Variants in TSPAN32 observed in about 807,000 individuals in gnomAD.
TSPAN32 encodes tetraspanin 32.
In TSPAN32, 47 loss-of-function variants were observed where a neutral mutation model predicts 42.7. That is an observed-to-expected ratio of 1.10 (90% CI 0.87 to 1.40). The LOEUF is 1.40. Among genes scored for constraint, TSPAN32 ranks in the 40% most tolerant of loss-of-function variants. The pLI is 0.00. For synonymous variants in TSPAN32, 175 were observed against 175.9 expected (o/e 0.99, Z 0.04); for missense variants, 469 against 424.1 (o/e 1.11, Z -0.93).
chr11:2,316,476 C>G (rs766570282), intron 7 of TSPAN32, 100 bp from the exon 8 acceptor site: 1 of 1,588,902 alleles, frequency 6.3e-7, no homozygotes, highest in Non-Finnish European at 8.5e-7. Context: ...CTGCCTCCTA[C>G]AGCTGGGCCG....
rs199650987 is a variant in TSPAN32, at chr11:2,304,162, C to A, written c.237C>A (p.Ser79Arg). The change falls in exon 3 of 10, where the codon AGC becomes AGA. Residue 79 changes from serine (S) to arginine (R), a missense_variant. Transcript: ENST00000182290. The surrounding 1 kb of genome is among the most constrained non-coding windows in gnomAD (Gnocchi z 4.8). The stretch of plus-strand genomic sequence containing the variant: ...TCCTGACTCTGGGAGCCGTGCTGAG[C>A]GCTGCAGCCACCGTGAGGGAGGCCC... ...VGLLTLGAVL[S>R]AAATVREAQG... 5.0e-6 allele frequency: 8 copies of A among 1,588,500 alleles called. No homozygotes were observed. The Admixed American group carries it at 1.4e-4, about 28-fold the overall frequency.
At chr11:2,316,849 G>T (rs1848829175) in intron 8 of TSPAN32, among the ~76,000 whole-genome samples, 182 bp downstream of exon 8, 1 of 152,048 alleles carries the variant, frequency 6.6e-6, no homozygotes, top group South Asian at 2.1e-4. Flanking sequence ...AGAGTTTCCA[G>T]ACCCAATGCA....
chr11:2,314,174 A>G (rs1234229199), intron 5 of TSPAN32, among the ~76,000 whole-genome samples: 3 of 151,260 alleles, frequency 2.0e-5, no homozygotes, highest in Non-Finnish European at 2.9e-5. Flanking sequence ...AAAAAAAAAA[A>G]AAAAGAAAAG....
intron 3 of TSPAN32, among the ~76,000 whole-genome samples, chr11:2,306,284 C>T (rs1221506860): frequency 6.6e-6 from 1 of 152,116 alleles, no homozygotes; most frequent in African/African-American, 2.4e-5. Flanking sequence ...ACCCCTCCGG[C>T]CTCTCCCCTA....
chr11:2,314,953 G>A (rs935581948), intron 6 of TSPAN32: 7 of 316,304 alleles, frequency 2.2e-5, no homozygotes, highest in African/African-American at 1.3e-4. Context: ...CAGGGCTGGT[G>A]TGGTGGGCTC....
intron 1 of TSPAN32, chr11:2,302,613 G>C (rs1029417732): frequency 3.5e-6 from 2 of 574,744 alleles, no homozygotes; most frequent in South Asian, 2.1e-5. Context: ...TGGGGAAGCT[G>C]GGCTGTGCGT....
At position 2,317,338 on chromosome 11, in the gene TSPAN32, C is replaced by T. The variant is rs757577504; in HGVS notation, c.720-6C>T. ...ACCACAGCCCCATGATCCCCTTGCT[C>T]CTCAGAGCATGTGGCCGCCAGCCCC... On this transcript the variant is annotated splice_polypyrimidine_tract_variant and splice_region_variant and intron_variant, in intron 8 of 9. Transcript: ENST00000182290. This position sits in a 1 kb window ranked among gnomAD's most constrained non-coding sequence, Gnocchi z 6.2. The T allele has an allele frequency of 1.5e-5, 23 of 1,583,422 alleles. 1 individual carries two copies. In the South Asian group the frequency reaches 2.7e-4, roughly 18 times the overall value.
At position 2,313,812 on chromosome 11, in the gene TSPAN32, C is replaced by CAG; in HGVS notation, c.456+61_456+62dup. The CAG allele has an allele frequency of 7.2e-7, 1 of 1,385,588 alleles. No individual in the cohort carries two copies. The highest frequency in any genetic ancestry group is 2.5e-5 in the East Asian group (1 of 40,300). The allele number at this position is 1,385,588 out of a possible 1,614,324, so 85.8% of individuals were successfully genotyped here. A position where few individuals can be genotyped will look rare whatever the true frequency, so the allele number is the denominator to read the frequency against. ...GTCAGCTTCTGCTTGGACTGCAGTT[C>CAG]AGAGAACAGGCGCAGGGTGGCCAGT... is the stretch of plus-strand genomic sequence containing the variant. On this transcript the variant is annotated intron_variant, in intron 5 of 9. Coordinates refer to ENST00000182290, the MANE Select transcript of TSPAN32 (RefSeq NM_139022.3). The surrounding 1 kb of genome is among the most constrained non-coding windows in gnomAD (Gnocchi z 9.1).
Position 2,313,582 on chromosome 11 carries a change from T to A in TSPAN32, c.355-72T>A. The A allele has an allele frequency of 8.2e-7, 1 of 1,226,620 alleles. No homozygotes were observed. The highest frequency in any genetic ancestry group is 1.2e-6 in the Non-Finnish European group (1 of 863,622). 76.0% of individuals were successfully genotyped at this position (1,226,620 alleles called of 1,614,324 possible). ...ACTAAGGGCCCACTAGCGTTTGGGA[T>A]GTCGTGGGGAGGGGGCTGTGTCCCC... On this transcript the variant is annotated intron_variant, in intron 4 of 9. Transcript: ENST00000182290. The surrounding 1 kb of genome is among the most constrained non-coding windows in gnomAD (Gnocchi z 9.1).
At chr11:2,303,237 C>T (rs1002825660) in intron 2 of TSPAN32, among the ~76,000 whole-genome samples, 12 of 152,032 alleles carry the variant, frequency 7.9e-5, no homozygotes, top group Non-Finnish European at 1.6e-4. Flanking sequence ...TGGCTCTGTG[C>T]GGTCAGGACC....
At chr11:2,307,974 CAG>C (rs1848213197) in intron 3 of TSPAN32, among the ~76,000 whole-genome samples, 1 of 152,182 alleles carries the variant, frequency 6.6e-6, no homozygotes, top group African/African-American at 2.4e-5. Context: ...GAAGGCAAAA[CAG>C]AAGATCCTAC....
Position 2,304,919 on chromosome 11 carries a change from C to CA in TSPAN32, c.279+716dup, listed in dbSNP as rs1307941766. 5.9e-5 allele frequency among the ~76,000 whole-genome samples: 9 copies of CA among 152,198 alleles called. No homozygotes were observed. Among genetic ancestry groups the CA allele is most frequent in the African/African-American group, 1.9e-4 (8 of 41,454 alleles). Reference sequence around the variant, plus strand: ...CCCTCTTCTCTCACCCCAGCTGGGGCAGCTCCTCCCTGGCGCCCCGGGCTC... The same window carrying CA: ...CCCTCTTCTCTCACCCCAGCTGGGGCAAGCTCCTCCCTGGCGCCCCGGGCTC... On this transcript the variant is annotated intron_variant, in intron 3 of 9. Transcript: ENST00000182290. The surrounding 1 kb of genome is among the most constrained non-coding windows in gnomAD (Gnocchi z 4.8).
Position 2,316,324 on chromosome 11 carries a change from C to A in TSPAN32, c.627+12C>A. ...GCCTGGCCCTCACGGTACCCTCTCG[C>A]CTCCCTCACTGCCCCTTCCCACCTC... On this transcript the variant is annotated intron_variant, in intron 7 of 9. Coordinates refer to ENST00000182290, the MANE Select transcript of TSPAN32 (RefSeq NM_139022.3). 1 of 1,588,168 alleles carries A rather than the reference C, an allele frequency of 6.3e-7. No homozygotes were observed.
At position 2,313,024 on chromosome 11, in the gene TSPAN32, G is replaced by C. The variant is rs1358937640; in HGVS notation, c.355-630G>C. 6.6e-6 allele frequency among the ~76,000 whole-genome samples: 1 copy of C among 152,150 alleles called. No individual in the cohort carries two copies. Among genetic ancestry groups the C allele is most frequent in the Non-Finnish European group, 1.5e-5 (1 of 68,022 alleles). Reference sequence around the variant, plus strand: ...GGTGGAGACATGAGGTCCAGGTGTTGGTGAGGTGTGGAGCGCAGGCAGCAC... The same window carrying C: ...GGTGGAGACATGAGGTCCAGGTGTTCGTGAGGTGTGGAGCGCAGGCAGCAC... On this transcript the variant is annotated intron_variant, in intron 4 of 9. Transcript: ENST00000182290. This position sits in a 1 kb window ranked among gnomAD's most constrained non-coding sequence, Gnocchi z 9.1.
At position 2,317,287 on chromosome 11, in the gene TSPAN32, C is replaced by G; in HGVS notation, c.720-57C>G. 7.2e-7 allele frequency: 1 copy of G among 1,396,128 alleles called. No homozygotes were observed. The highest frequency in any genetic ancestry group is 9.9e-7 in the Non-Finnish European group (1 of 1,010,850). The allele number at this position is 1,396,128 out of a possible 1,614,324, so 86.5% of individuals were successfully genotyped here. On this transcript the variant is annotated intron_variant, in intron 8 of 9. Transcript: ENST00000182290. This position sits in a 1 kb window ranked among gnomAD's most constrained non-coding sequence, Gnocchi z 6.2. ...CCCCTCTAGAACATTCCACAATAGC[C>G]TCACAGGTCCCCTGTAGAACATTCC...
At position 2,308,903 on chromosome 11, in the gene TSPAN32, C is replaced by G. The variant is rs1167427621; in HGVS notation, c.354+93C>G. 3.5e-6 allele frequency: 3 copies of G among 865,210 alleles called. No individual in the cohort carries two copies. The African/African-American group carries it at 5.1e-5, about 15-fold the overall frequency. The allele number at this position is 865,210 out of a possible 1,614,324, so 53.6% of individuals were successfully genotyped here. ...GGGGAGCAGTCCTGGGAGGAGCAGCCCCAGCTTCCAGGCTTGTGCTGACCG... is the reference window on the plus strand; with the variant it reads ...GGGGAGCAGTCCTGGGAGGAGCAGCGCCAGCTTCCAGGCTTGTGCTGACCG... On this transcript the variant is annotated intron_variant, in intron 4 of 9. Coordinates refer to ENST00000182290, the MANE Select transcript of TSPAN32 (RefSeq NM_139022.3).
chr11:2,305,694 GCCA>G (rs1339669712), intron 3 of TSPAN32, among the ~76,000 whole-genome samples: 6 of 152,212 alleles, frequency 3.9e-5, no homozygotes, highest in Admixed American at 1.3e-4. Flanking sequence ...TGTGTCCCCA[GCCA>G]GCCCCAAGGC....
chr11:2,308,408 C>A (rs1161480264), intron 3 of TSPAN32, among the ~76,000 whole-genome samples: 2 of 107,946 alleles, frequency 1.9e-5, no homozygotes, highest in East Asian at 7.2e-4. Flanking sequence ...GCAGTGACCA[C>A]CCCCCCACAG....
chr11:2,306,855 GGGGGGA>G (rs1848132672), intron 3 of TSPAN32: 1 of 87,966 alleles, frequency 1.1e-5, no homozygotes, highest in Non-Finnish European at 2.4e-5. Context: ...GGGAGGGGGA[GGGGGGA>G]GAAGAAGGAG....
Sources: gnomAD v4.1 joint callset for allele counts (sites outside exome capture counted in the v4.1 genomes callset) on GRCh38, gnomAD v4.1.1 for gene constraint, Gnocchi (gnomAD v3.1) non-coding constraint, MANE v1.5 for transcripts, NCBI Gene and HGNC (gene_info 2026-07-23, HGNC 2026-07-21) for gene names.